MSTN: variants seen among roughly 807,000 people sequenced by gnomAD.
MSTN encodes the protein growth/differentiation factor 8.
A neutral mutation model predicts 32.3 loss-of-function variants in MSTN; 12 were observed. The observed-to-expected ratio is 0.37, with a 90% CI of 0.24 to 0.60. MSTN has a LOEUF of 0.60. Ranked by LOEUF, MSTN falls within the 20% of genes least tolerant of loss-of-function variation. The probability of loss-of-function intolerance (pLI) is 0.67; values close to 1 mark genes in which losing one functional copy is unlikely to be tolerated. For synonymous variants in MSTN, 168 were observed against 155.1 expected, an observed-to-expected ratio of 1.08 and a Z score of -0.62; for missense variants, 403 against 450.3, an observed-to-expected ratio of 0.89 and a Z score of 0.95.
chr2:190,057,813 T>A (rs1685477790), intron 2 of MSTN, among the ~76,000 whole-genome samples, 175 bp from the exon 3 acceptor site: 1 of 152,088 alleles, frequency 6.6e-6, no homozygotes, highest in Non-Finnish European at 1.5e-5. Context: ...ATTTTCCCCT[T>A]ATGTCTCAAA....
In MSTN at chr2:190,062,426, C is replaced by A; in HGVS notation, c.171G>T (p.Lys57Asn). The A allele has an allele frequency of 6.2e-7, 1 of 1,613,504 alleles. No homozygotes were observed. Among genetic ancestry groups the A allele is most frequent in the South Asian group, 1.1e-5 (1 of 91,080 alleles). The change falls in exon 1 of 3, where the codon AAG becomes AAT. Residue 57 changes from lysine (K) to asparagine (N), a missense_variant. Lys to Asn is a moderately conservative substitution (Grantham distance 94, BLOSUM62 0). Transcript: ENST00000260950. ...NTKSSRIEAIKIQILSKLRLE... is the reference protein window; with the variant it reads ...NTKSSRIEAINIQILSKLRLE... ...GACGAAGTTTACTGAGGATTTGTAT[C>A]TTAATGGCTTCTATTCTTGAAGATT...
chr2:190,059,215 A>G (rs548379422), intron 2 of MSTN, among the ~76,000 whole-genome samples: 2 of 152,090 alleles, frequency 1.3e-5, no homozygotes, highest in African/African-American at 2.4e-5. Context: ...ACGTAAAAAG[A>G]TGTGATCACA....
Position 190,062,290 on chromosome 2 carries a change from C to T in MSTN, c.307G>A (p.Asp103Asn), listed in dbSNP as rs575523122. 68 of 1,613,256 alleles carry T rather than the reference C, an allele frequency of 4.2e-5. No individual in the cohort carries two copies. Among genetic ancestry groups the T allele is most frequent in the African/African-American group, 1.5e-4 (11 of 74,980 alleles). ...TAATCGTCATCTTCCAAAGAGCCAT[C>T]GCTGCTGTCATCCCTCTGGACATCA... Reference protein sequence around the residue: ...QYDVQRDDSSDGSLEDDDYHA... With the variant: ...QYDVQRDDSSNGSLEDDDYHA... The change falls in exon 1 of 3, where the codon GAT becomes AAT. Residue 103 changes from aspartate to asparagine, a missense_variant. Asp to Asn is a conservative substitution (Grantham distance 23). Transcript: ENST00000260950.
Position 190,056,937 on chromosome 2 carries a change from T to C in MSTN, c.*321A>G. 1 of 287,810 alleles carries C rather than the reference T, an allele frequency of 3.5e-6. No individual in the cohort carries two copies. Among genetic ancestry groups the C allele is most frequent in the South Asian group, 5.0e-5 (1 of 20,126 alleles). The allele number at this position is 287,810 out of a possible 1,614,324, so 17.8% of individuals were successfully genotyped here. On this transcript the variant is annotated 3_prime_UTR_variant, in exon 3 of 3. Transcript: ENST00000260950. ...TAAAGAAATAGACTTTAAAGCATAC[T>C]CCTTTAATTCATCAGAACTCAAGGA... is the stretch of plus-strand genomic sequence containing the variant.
rs770103165 is a variant in MSTN at position 190,062,266 on chromosome 2, A to G, written c.331T>C (p.Tyr111His). ...SSDGSLEDDD[Y>H]HATTETIITM... is the part of the protein sequence containing the mutation. ...ATGATTGTTTCCGTTGTAGCGTGAT[A>G]ATCGTCATCTTCCAAAGAGCCATCG... The change falls in exon 1 of 3, where the codon TAT becomes CAT. Residue 111 changes from tyrosine to histidine, a missense_variant. Coordinates refer to ENST00000260950, the MANE Select transcript of MSTN (RefSeq NM_005259.3). 6.2e-7 allele frequency: 1 copy of G among 1,613,148 alleles called. No individual in the cohort carries two copies. Among genetic ancestry groups the G allele is most frequent in the South Asian group, 1.1e-5 (1 of 91,068 alleles).
intron 1 of MSTN, among the ~76,000 whole-genome samples, chr2:190,061,008 T>G (rs1471578531): frequency 6.6e-6 from 1 of 151,958 alleles, no homozygotes; most frequent in Non-Finnish European, 1.5e-5. Flanking sequence ...ACACAAAAAT[T>G]TTGATGTTAT....
Position 190,062,689 on chromosome 2 carries a change from C to A in MSTN, c.-93G>T. 1 of 1,228,694 alleles carries A rather than the reference C, an allele frequency of 8.1e-7. No homozygotes were observed. The highest frequency in any genetic ancestry group is 1.1e-6 in the Non-Finnish European group (1 of 872,130). The allele number at this position is 1,228,694 out of a possible 1,614,324, so 76.1% of individuals were successfully genotyped here. A position where few individuals can be genotyped will look rare whatever the true frequency, so the allele number is the denominator to read the frequency against. On this transcript the variant is annotated 5_prime_UTR_variant, in exon 1 of 3. An upstream start codon of the reference 5' UTR is lost. Coordinates refer to ENST00000260950, the MANE Select transcript of MSTN (RefSeq NM_005259.3). ...AGTAATGCCAAGCAAAATTTTAATG[C>A]ATGTACAGTCTGAGAGACAACTTGC...
Position 190,062,381 on chromosome 2 carries a change from G to T in MSTN, c.216C>A (p.Ile72=), listed in dbSNP as rs774765974. The T allele has an allele frequency of 3.7e-6, 6 of 1,613,424 alleles. No individual in the cohort carries two copies. The highest frequency in any genetic ancestry group is 5.1e-6 in the Non-Finnish European group (6 of 1,179,564). Residue 72 remains isoleucine (I), a synonymous_variant, in exon 1 of 3, where the codon ATC becomes ATA. Transcript: ENST00000260950. The stretch of plus-strand genomic sequence containing the variant: ...AAAGTTGTCTTATAACATCTTTGCT[G>T]ATGTTAGGAGCTGTTTCCAGACGAA... ...SKLRLETAPN[I]SKDVIRQLLP...
rs186878620 is a variant in MSTN at position 190,057,243 on chromosome 2, C to G, written c.*15G>C. ...CTTCCATGTTTTAGGAAGTTATGAA[C>G]GCTTAATATAAATCTCATGAGCACC... On this transcript the variant is annotated 3_prime_UTR_variant, in exon 3 of 3. Coordinates refer to ENST00000260950, the MANE Select transcript of MSTN (RefSeq NM_005259.3). 2.5e-6 allele frequency: 4 copies of G among 1,612,718 alleles called. No individual in the cohort carries two copies. Among genetic ancestry groups the G allele is most frequent in the Non-Finnish European group, 3.4e-6 (4 of 1,179,112 alleles).
At position 190,060,238 on chromosome 2, in the gene MSTN, A is replaced by G; in HGVS notation, c.571T>C (p.Ser191Pro). The change falls in exon 2 of 3, where the codon TCT (serine) becomes CCT (proline). Residue 191 changes from serine to proline, a missense_variant. By Grantham distance (74) the Ser-to-Pro change is moderately conservative. Transcript: ENST00000260950. ...KDGTRYTGIRSLKLDMNPGTG... is the reference protein window; with the variant it reads ...KDGTRYTGIRPLKLDMNPGTG... ...CCTGGGTTCATGTCAAGTTTCAGAGATCGGATTCCAGTATACCTTGTACCG... is the reference window on the plus strand; with the variant it reads ...CCTGGGTTCATGTCAAGTTTCAGAGGTCGGATTCCAGTATACCTTGTACCG... The G allele has an allele frequency of 1.2e-6, 2 of 1,613,110 alleles. No homozygotes were observed. Among genetic ancestry groups the G allele is most frequent in the Non-Finnish European group, 1.7e-6 (2 of 1,179,282 alleles).
In MSTN at chr2:190,062,640, CCTTTTA is replaced by C. The variant is rs1685631331; in HGVS notation, c.-50_-45del. 1.9e-6 allele frequency: 3 copies of C among 1,589,432 alleles called. No homozygotes were observed. The highest frequency in any genetic ancestry group is 1.4e-5 in the African/African-American group (1 of 73,876). On this transcript the variant is annotated 5_prime_UTR_variant, in exon 1 of 3. Transcript: ENST00000260950. Reference sequence around the variant, plus strand: ...ATCTTTTTTCTTGTTCTTGTTTCTTCCTTTTACTTTTCTTTTGCTTTTGAGTAATGC... The same window carrying C: ...ATCTTTTTTCTTGTTCTTGTTTCTTCCTTTTCTTTTGCTTTTGAGTAATGC...
At chr2:190,059,399 G>A (rs1374224187) in intron 2 of MSTN, among the ~76,000 whole-genome samples, 2 of 151,868 alleles carry the variant, frequency 1.3e-5, no homozygotes, top group African/African-American at 4.8e-5. Context: ...GAATGCTAAG[G>A]CAGCTCAGAA....
chr2:190,057,675 A>C, intron 2 of MSTN, 37 bp from the exon 3 acceptor site: 3 of 1,608,738 alleles, frequency 1.9e-6, no homozygotes, highest in Non-Finnish European at 2.6e-6. Flanking sequence ...TAATATCAAT[A>C]GGCCTGGAAA....
Position 190,060,128 on chromosome 2 carries a change from T to C in MSTN, c.681A>G (p.Ile227Met). ...KQPESNLGIE[I>M]KALDENGHDL... ...CATGACCATTCTCATCTAAAGCTTTTATTTCAATGCCTAAGTTGGATTCAG... is the reference window on the plus strand; with the variant it reads ...CATGACCATTCTCATCTAAAGCTTTCATTTCAATGCCTAAGTTGGATTCAG... The change falls in exon 2 of 3, where the codon ATA becomes ATG. Residue 227 changes from isoleucine (I) to methionine (M), a missense_variant. Coordinates refer to ENST00000260950, the MANE Select transcript of MSTN (RefSeq NM_005259.3). 1 of 1,612,958 alleles carries C rather than the reference T, an allele frequency of 6.2e-7. No individual in the cohort carries two copies. The highest frequency in any genetic ancestry group is 8.5e-7 in the Non-Finnish European group (1 of 1,179,178).
rs763683193 is a variant in MSTN, at chr2:190,057,522, C to T, written c.864G>A (p.Val288=). 1 of 1,613,502 alleles carries T rather than the reference C, an allele frequency of 6.2e-7. No homozygotes were observed. The part of the protein sequence containing the change: ...ESRCCRYPLT[V]DFEAFGWDWI... The stretch of plus-strand genomic sequence containing the variant: ...AATCCCATCCAAAAGCTTCAAAATC[C>T]ACAGTTAGAGGGTAACGACAGCATC... Residue 288 remains valine (V), a synonymous_variant, in exon 3 of 3, where the codon GTG becomes GTA. Coordinates refer to ENST00000260950, the MANE Select transcript of MSTN (RefSeq NM_005259.3).
rs1246217847 is a variant in MSTN, at chr2:190,056,292, A to G, written c.*966T>C. 6.6e-6 allele frequency: 1 copy of G among 152,548 alleles called. No individual in the cohort carries two copies. The allele number at this position is 152,548 out of a possible 1,614,324, so 9.4% of individuals were successfully genotyped here. A position where few individuals can be genotyped will look rare whatever the true frequency, so the allele number is the denominator to read the frequency against. On this transcript the variant is annotated 3_prime_UTR_variant, in exon 3 of 3. Coordinates refer to ENST00000260950, the MANE Select transcript of MSTN (RefSeq NM_005259.3). ...AGGAGACACTTATTTACAAAACAATATTGTATACATATTATATAAATGCAT... is the reference window on the plus strand; with the variant it reads ...AGGAGACACTTATTTACAAAACAATGTTGTATACATATTATATAAATGCAT...
chr2:190,056,897 T>C lies in MSTN; in HGVS notation c.*361A>G, dbSNP rs1420401519. Reference sequence around the variant, plus strand: ...TACTGTATGTGGATTTTTCTGTAAATATTAAACAAAACTTTAAAGAAATAG... The same window carrying C: ...TACTGTATGTGGATTTTTCTGTAAACATTAAACAAAACTTTAAAGAAATAG... On this transcript the variant is annotated 3_prime_UTR_variant, in exon 3 of 3. Coordinates refer to ENST00000260950, the MANE Select transcript of MSTN (RefSeq NM_005259.3). 7 of 229,470 alleles carry C rather than the reference T, an allele frequency of 3.1e-5. No individual in the cohort carries two copies. In the East Asian group the frequency reaches 7.5e-4, roughly 24 times the overall value. 14.2% of individuals were successfully genotyped at this position (229,470 alleles called of 1,614,324 possible).
rs1200246736 is a variant in MSTN, at chr2:190,057,198, A to G, written c.*60T>C. On this transcript the variant is annotated 3_prime_UTR_variant, in exon 3 of 3. Transcript: ENST00000260950. ...CTGTGGTACTTAATTTCACAGCTTC[A>G]AAATTGTTGAGGGGAAAACCTTCCA... The G allele has an allele frequency of 6.3e-7, 1 of 1,597,848 alleles. No homozygotes were observed. Among genetic ancestry groups the G allele is most frequent in the African/African-American group, 1.3e-5 (1 of 74,480 alleles).
Position 190,055,935 on chromosome 2 carries a change from T to G in MSTN, c.*1323A>C, listed in dbSNP as rs1685414798. 6.6e-6 allele frequency: 1 copy of G among 152,514 alleles called. No individual in the cohort carries two copies. Among genetic ancestry groups the G allele is most frequent in the African/African-American group, 2.4e-5 (1 of 41,452 alleles). The allele number at this position is 152,514 out of a possible 1,614,324, so 9.4% of individuals were successfully genotyped here. A position where few individuals can be genotyped will look rare whatever the true frequency, so the allele number is the denominator to read the frequency against. On this transcript the variant is annotated 3_prime_UTR_variant, in exon 3 of 3. Transcript: ENST00000260950. ...TCTTCATTTCAGATAATAGAGTCAA[T>G]TATTTTGGTATACTTAGTAATGTTT... is the stretch of plus-strand genomic sequence containing the variant.
Sources: allele counts gnomAD v4.1 joint callset (sites outside exome capture counted in the v4.1 genomes callset), GRCh38; gene constraint gnomAD v4.1.1; transcripts MANE v1.5; gene names NCBI Gene and HGNC (gene_info 2026-07-23, HGNC 2026-07-21).